Variants in TMEM201 observed in about 807,000 individuals in gnomAD.
TMEM201 encodes transmembrane protein 201, also known as RP13-15M17.2.
TMEM201 carries 26 observed loss-of-function variants against 63.4 expected under a neutral mutation model. The observed-to-expected ratio is 0.41, with a 90% confidence interval of 0.30 to 0.57. The LOEUF is 0.57. Ranked by LOEUF, TMEM201 falls within the 20% of genes least tolerant of loss-of-function variation. TMEM201 has a pLI of 0.29. For synonymous variants in TMEM201, 417 were observed against 421.6 expected (o/e 0.99, Z 0.14); for missense variants, 794 against 917.7 (o/e 0.87, Z 1.74).
chr1:9,607,695 C>G lies in TMEM201; in HGVS notation c.1299C>G (p.Leu433=), dbSNP rs1206905931. 14 of 1,551,900 alleles carry G rather than the reference C, an allele frequency of 9.0e-6. No homozygotes were observed. Among genetic ancestry groups the G allele is most frequent in the Non-Finnish European group, 1.2e-5 (14 of 1,147,116 alleles). Residue 433 remains leucine, a synonymous_variant, in exon 7 of 11, where the codon CTC becomes CTG. Coordinates refer to ENST00000340381, the MANE Select transcript of TMEM201 (RefSeq NM_001130924.3). The surrounding 1 kb of genome is among the most constrained non-coding windows in gnomAD (Gnocchi z 5.4). ...TCCTGCCCCTCGCCAACCAGCAGCT[C>G]TTCCGGTCTCCTCGACGGACCTCAC... is the stretch of plus-strand genomic sequence containing the variant. ...PSFLPLANQQ[L]FRSPRRTSPS...
intron 1 of TMEM201, among the ~76,000 whole-genome samples, chr1:9,595,566 G>C (rs1347739594): frequency 6.6e-6 from 1 of 152,076 alleles, no homozygotes; most frequent in East Asian, 1.9e-4. Context: ...GGTGGCCCTG[G>C]GTCCCCGTGC....
At chr1:9,594,557 C>T (rs1403640151) in intron 1 of TMEM201, among the ~76,000 whole-genome samples, 1 of 152,238 alleles carries the variant, frequency 6.6e-6, no homozygotes, top group Non-Finnish European at 1.5e-5. Context: ...GCTTTTGTCC[C>T]CAGCTGACAG....
In TMEM201 at chr1:9,610,874, C is replaced by G. The variant is rs201040978; in HGVS notation, c.1765+69C>G. ...GCTGCCAAGAGGCCTGGCTGTGCGG[C>G]GGTGGGGGGGCTCATCCTTGCTCTG... On this transcript the variant is annotated intron_variant, in intron 9 of 10. Transcript: ENST00000340381. The surrounding 1 kb of genome is among the most constrained non-coding windows in gnomAD (Gnocchi z 4.9). 2.7e-6 allele frequency: 4 copies of G among 1,491,038 alleles called. No homozygotes were observed. In the Admixed American group the frequency reaches 8.3e-5, roughly 31 times the overall value. 92.4% of individuals were successfully genotyped at this position (1,491,038 alleles called of 1,614,324 possible).
In TMEM201 at chr1:9,610,017, G is replaced by A; in HGVS notation, c.1465+106G>A. The stretch of plus-strand genomic sequence containing the variant: ...TTGGGGTCAGACAGACCCCAAGTGT[G>A]TGTTCACATCTCAGCCCTGGGCAAG... On this transcript the variant is annotated intron_variant, in intron 8 of 10. Coordinates refer to ENST00000340381, the MANE Select transcript of TMEM201 (RefSeq NM_001130924.3). This position sits in a 1 kb window ranked among gnomAD's most constrained non-coding sequence, Gnocchi z 4.9. 1.8e-6 allele frequency: 2 copies of A among 1,082,742 alleles called. No individual in the cohort carries two copies. The highest frequency in any genetic ancestry group is 1.6e-5 in the African/African-American group (1 of 64,092). The allele number at this position is 1,082,742 out of a possible 1,614,324, so 67.1% of individuals were successfully genotyped here.
chr1:9,598,414 C>G (rs757211538), intron 3 of TMEM201, 35 bp from the exon 4 acceptor site: 1 of 1,595,446 alleles, frequency 6.3e-7, no homozygotes, highest in South Asian at 1.1e-5. Flanking sequence ...TCATCCACCC[C>G]TGCAGATGCC....
At chr1:9,611,649 C>T (rs1644325563) in intron 9 of TMEM201, 104 bp from the exon 10 acceptor site, 1 of 1,472,836 alleles carries the variant, frequency 6.8e-7, no homozygotes, top group Non-Finnish European at 9.2e-7. Context: ...CAGCCTGGCT[C>T]ACCACTTCTG....
chr1:9,601,631 A>C (rs1463765568), intron 5 of TMEM201, among the ~76,000 whole-genome samples, 177 bp downstream of exon 5: 1 of 152,102 alleles, frequency 6.6e-6, no homozygotes, highest in Non-Finnish European at 1.5e-5. Flanking sequence ...GAGGCTGCAG[A>C]CGCCCTCTGA....
intron 1 of TMEM201, among the ~76,000 whole-genome samples, chr1:9,590,470 T>C (rs1208064216): frequency 6.6e-6 from 1 of 152,116 alleles, no homozygotes; most frequent in Non-Finnish European, 1.5e-5. Context: ...CCGTTGTGTT[T>C]ATTGAGGCTG....
In TMEM201 at chr1:9,607,752, C is replaced by T. The variant is rs1208904525; in HGVS notation, c.1356C>T (p.Ala452=). The T allele has an allele frequency of 1.3e-5, 20 of 1,551,586 alleles. No individual in the cohort carries two copies. Among genetic ancestry groups the T allele is most frequent in the Non-Finnish European group, 1.6e-5 (18 of 1,147,060 alleles). The change falls in exon 7 of 11, where the codon GCC becomes GCT. Residue 452 remains alanine (A), a synonymous_variant. Transcript: ENST00000340381. The surrounding 1 kb of genome is among the most constrained non-coding windows in gnomAD (Gnocchi z 5.4). ...PSSLPGRLSR[A]LSLGTIPSLT... is the part of the protein sequence containing the mutation. ...CATTGCCTGGCCGCCTCAGCCGGGC[C>T]CTCTCTCTGGGAACCATACCCTCTC...
intron 4 of TMEM201, among the ~76,000 whole-genome samples, chr1:9,600,871 A>G (rs1431257813): frequency 2.0e-5 from 3 of 152,130 alleles, no homozygotes; most frequent in African/African-American, 7.2e-5. Flanking sequence ...AGTGAGCCAA[A>G]ATAAGGTCAC....
chr1:9,612,879 G>GA (rs1644343772), intron 10 of TMEM201, 107 bp from the exon 11 acceptor site: 1 of 937,720 alleles, frequency 1.1e-6, no homozygotes, highest in South Asian at 1.5e-5. Context: ...AGAGTACCCT[G>GA]GGCAGAGCCT....
At position 9,604,301 on chromosome 1, in the gene TMEM201, C is replaced by T; in HGVS notation, c.1160+2029C>T. The T allele has an allele frequency of 1.0e-6, 1 of 985,458 alleles. No homozygotes were observed. The highest frequency in any genetic ancestry group is 4.7e-5 in the South Asian group (1 of 21,292). 61.0% of individuals were successfully genotyped at this position (985,458 alleles called of 1,614,324 possible). ...CGCTGGCCAGGATCCTCCTGCCGAG[C>T]TGATGTCGCTCCTGCCCTCTGCCGG... On this transcript the variant is annotated intron_variant, in intron 6 of 10. Coordinates refer to ENST00000340381, the MANE Select transcript of TMEM201 (RefSeq NM_001130924.3). The surrounding 1 kb of genome is among the most constrained non-coding windows in gnomAD (Gnocchi z 4.1).
chr1:9,594,705 G>A (rs1488140983), intron 1 of TMEM201, among the ~76,000 whole-genome samples: 4 of 152,198 alleles, frequency 2.6e-5, no homozygotes, highest in African/African-American at 7.2e-5. Flanking sequence ...TGGCCAGCCC[G>A]ATGGGTTAGC....
intron 5 of TMEM201, 89 bp from the exon 6 acceptor site, chr1:9,601,980 G>A: frequency 6.9e-7 from 1 of 1,458,652 alleles, no homozygotes; most frequent in Non-Finnish European, 9.2e-7. Context: ...TCTGAGCAGG[G>A]CCAGGTATAG....
intron 1 of TMEM201, among the ~76,000 whole-genome samples, chr1:9,594,459 C>A (rs1024242569): frequency 4.6e-5 from 7 of 152,216 alleles, no homozygotes; most frequent in Admixed American, 1.3e-4. Flanking sequence ...AGCCTCCCCC[C>A]ACTCCATGTA....
intron 9 of TMEM201, 103 bp from the exon 10 acceptor site, chr1:9,611,650 A>T: frequency 6.8e-7 from 1 of 1,478,224 alleles, no homozygotes; most frequent in South Asian, 1.2e-5. Context: ...AGCCTGGCTC[A>T]CCACTTCTGA....
intron 4 of TMEM201, among the ~76,000 whole-genome samples, chr1:9,599,593 CA>C (rs796152573): frequency 5.9e-5 from 9 of 151,544 alleles, no homozygotes; most frequent in African/African-American, 2.2e-4. Flanking sequence ...AAGTTCTCAC[CA>C]AAAATTCCTA....
intron 4 of TMEM201, among the ~76,000 whole-genome samples, 158 bp downstream of exon 4, chr1:9,598,783 G>A (rs1368627919): frequency 6.6e-6 from 1 of 152,148 alleles, no homozygotes; most frequent in African/African-American, 2.4e-5. Flanking sequence ...AAGTTTTGCT[G>A]GGATTACAGG....
rs1043883737 is a variant in TMEM201 at position 9,610,455 on chromosome 1, C to T, written c.1466-51C>T. 5.6e-6 allele frequency: 8 copies of T among 1,426,642 alleles called. No individual in the cohort carries two copies. The highest frequency in any genetic ancestry group is 4.8e-5 in the Admixed American group (2 of 41,584). The allele number at this position is 1,426,642 out of a possible 1,614,324, so 88.4% of individuals were successfully genotyped here. ...CCAGAAATGAAATAGCGCATTGTAGCGTTGCAGTGACAGGAGCCCACGTTC... is the reference window on the plus strand; with the variant it reads ...CCAGAAATGAAATAGCGCATTGTAGTGTTGCAGTGACAGGAGCCCACGTTC... On this transcript the variant is annotated intron_variant, in intron 8 of 10. Transcript: ENST00000340381. The surrounding 1 kb of genome is among the most constrained non-coding windows in gnomAD (Gnocchi z 4.9).
Sources: gnomAD v4.1 joint callset for allele counts (sites outside exome capture counted in the v4.1 genomes callset) on GRCh38, gnomAD v4.1.1 for gene constraint, Gnocchi (gnomAD v3.1) non-coding constraint, MANE v1.5 for transcripts, NCBI Gene and HGNC (gene_info 2026-07-23, HGNC 2026-07-21) for gene names.